Variants in SORCS2 observed in about 807,000 individuals in gnomAD.
The protein encoded by SORCS2 is sortilin related VPS10 domain containing receptor 2, also known as VPS10 domain-containing receptor SorCS2.
In SORCS2, 100 loss-of-function variants were observed where a neutral mutation model predicts 141.6. The observed-to-expected ratio is 0.71, with a 90% confidence interval of 0.60 to 0.83. The LOEUF (loss-of-function observed/expected upper bound fraction) is 0.83, where lower values mean the gene tolerates loss of function less well. Ranked by LOEUF, SORCS2 falls within the 40% of genes least tolerant of loss-of-function variation. SORCS2 has a pLI of 0.00. For missense variants in SORCS2, 1,646 were observed against 1,560.2 expected (o/e 1.05, Z -0.93); for synonymous variants, 789 against 676.9 (o/e 1.17, Z -2.57).
At chr4:7,402,372 G>T (rs1200675454) in intron 2 of SORCS2, among the ~76,000 whole-genome samples, 1 of 152,170 alleles carries the variant, frequency 6.6e-6, no homozygotes, top group Non-Finnish European at 1.5e-5. Context: ...TATCTTGATT[G>T]TCTGTCTGTA....
At chr4:7,658,937 G>T (rs540406211) in intron 5 of SORCS2, among the ~76,000 whole-genome samples, 1 of 152,256 alleles carries the variant, frequency 6.6e-6, no homozygotes, top group Non-Finnish European at 1.5e-5. Context: ...CCAACGCTGA[G>T]TGGCCACTGA....
intron 1 of SORCS2, among the ~76,000 whole-genome samples, chr4:7,214,856 C>A (rs150493176): frequency 0.011 from 1,740 of 152,300 alleles, 42 homozygotes; most frequent in Admixed American, 0.054. Flanking sequence ...GGTTTCCAGG[C>A]TGTAGGTCTG....
At chr4:7,287,974 G>A (rs1382778325) in intron 1 of SORCS2, among the ~76,000 whole-genome samples, 1 of 152,230 alleles carries the variant, frequency 6.6e-6, no homozygotes, top group Non-Finnish European at 1.5e-5. Context: ...GCTTCACCCA[G>A]CCCCTGTGGG....
chr4:7,241,895 G>A (rs572766723), intron 1 of SORCS2, among the ~76,000 whole-genome samples: 3 of 152,326 alleles, frequency 2.0e-5, no homozygotes, highest in East Asian at 1.9e-4. Context: ...TTTAGCTGAC[G>A]GTGTTGAGCG....
chr4:7,250,732 C>T (rs1713448133), intron 1 of SORCS2, among the ~76,000 whole-genome samples: 1 of 152,258 alleles, frequency 6.6e-6, no homozygotes, highest in Admixed American at 6.5e-5. Flanking sequence ...AACAGCTGGG[C>T]AGGCAGCGCT....
rs200150123 is a variant in SORCS2 at position 7,638,358 on chromosome 4, C to G, written c.679C>G (p.Arg227Gly). ...VILVSSSLSD[R>G]DQSLFLSADE... ...CCTTGTCAGCTCCTCACTCAGTGAC[C>G]GGGACCAGAGCCTATTCCTCAGCGC... Residue 227 changes from arginine (R) to glycine (G), a missense_variant, in exon 4 of 27, where the codon CGG (arginine) becomes GGG (glycine). Coordinates refer to ENST00000507866, the MANE Select transcript of SORCS2 (RefSeq NM_020777.3). The G allele has an allele frequency of 6.6e-7, 1 of 1,526,232 alleles. No homozygotes were observed. 94.5% of individuals were successfully genotyped at this position (1,526,232 alleles called of 1,614,324 possible).
At chr4:7,448,539 C>G (rs1310518639) in intron 2 of SORCS2, among the ~76,000 whole-genome samples, 1 of 144,562 alleles carries the variant, frequency 6.9e-6, no homozygotes, top group African/African-American at 2.6e-5. Context: ...TTCCTTCCTT[C>G]CTTCCTCCCT....
rs1159351135 is a variant in SORCS2 at position 7,662,230 on chromosome 4, C to A, written c.952+666C>A. Among the ~76,000 whole-genome samples the A allele has an allele frequency of 5.8e-4, 85 of 147,760 alleles. No individual in the cohort carries two copies. In the Middle Eastern group the frequency reaches 0.01, roughly 18 times the overall value. On this transcript the variant is annotated intron_variant, in intron 6 of 26. Transcript: ENST00000507866. ...TAGGTGTGGCTCCCCACCCTCCCCC[C>A]CCTCCCCCACCCCCACCCTGCCACA...
chr4:7,401,053 G>A (rs1291164421), intron 2 of SORCS2, among the ~76,000 whole-genome samples: 1 of 151,978 alleles, frequency 6.6e-6, no homozygotes, highest in Non-Finnish European at 1.5e-5. Context: ...ACAGATGGAT[G>A]AATGGATTGA....
At chr4:7,640,241 A>G (rs536787908) in intron 4 of SORCS2, among the ~76,000 whole-genome samples, 12 of 132,008 alleles carry the variant, frequency 9.1e-5, no homozygotes, top group African/African-American at 3.5e-4. Flanking sequence ...TGTGTGTGAG[A>G]ACCTATGTGA....
rs534198087 is a variant in SORCS2, at chr4:7,650,591, C to T, written c.814-3543C>T. On this transcript the variant is annotated intron_variant, in intron 4 of 26. Coordinates refer to ENST00000507866, the MANE Select transcript of SORCS2 (RefSeq NM_020777.3). ...CTCACAGACGCTCCCCTTTGAAACA[C>T]TACAGCTGGGGCATCATTTTATAGA... Among the ~76,000 whole-genome samples the T allele has an allele frequency of 6.6e-5, 10 of 152,336 alleles. No homozygotes were observed. The East Asian group carries it at 1.5e-3, about 24-fold the overall frequency.
intron 1 of SORCS2, among the ~76,000 whole-genome samples, chr4:7,333,305 C>T (rs976354479): frequency 3.9e-5 from 6 of 152,334 alleles, no homozygotes; most frequent in Admixed American, 3.9e-4. Flanking sequence ...GCTGAGTCCC[C>T]CTCTCACTTT....
intron 11 of SORCS2, among the ~76,000 whole-genome samples, chr4:7,690,011 A>G (rs911631198): frequency 1.5e-4 from 20 of 137,542 alleles, no homozygotes; most frequent in African/African-American, 4.7e-4. Context: ...GGATGAGTGG[A>G]TGGATGAGTG....
chr4:7,307,632 CCAT>C (rs1448504994), intron 1 of SORCS2, among the ~76,000 whole-genome samples: 1 of 152,212 alleles, frequency 6.6e-6, no homozygotes, highest in Non-Finnish European at 1.5e-5. Flanking sequence ...CTGGCATTTG[CCAT>C]CAGAGGGAAG....
intron 3 of SORCS2, among the ~76,000 whole-genome samples, chr4:7,595,461 A>G (rs1253915111): frequency 3.4e-4 from 51 of 152,232 alleles, no homozygotes; most frequent in Non-Finnish European, 4.4e-5. Context: ...GAAAGCCCCA[A>G]AACTCTAACC....
At chr4:7,392,310 T>G (rs1723916799) in intron 1 of SORCS2, among the ~76,000 whole-genome samples, 1 of 150,812 alleles carries the variant, frequency 6.6e-6, no homozygotes. Context: ...CACCCTTAGG[T>G]GTCAGGAGGA....
At chr4:7,659,826 C>T (rs759311421) in intron 5 of SORCS2, among the ~76,000 whole-genome samples, 1 of 152,166 alleles carries the variant, frequency 6.6e-6, no homozygotes, top group African/African-American at 2.4e-5. Context: ...GTACTTCTCC[C>T]CCCCACCACT....
chr4:7,288,264 C>A (rs994042845), intron 1 of SORCS2, among the ~76,000 whole-genome samples: 1 of 152,070 alleles, frequency 6.6e-6, no homozygotes, highest in Non-Finnish European at 1.5e-5. Flanking sequence ...CACCACACTG[C>A]GATCTGAAAT....
At chr4:7,432,417 C>T (rs1389810996) in intron 2 of SORCS2, 2 of 152,100 alleles carry the variant, frequency 1.3e-5, no homozygotes, top group African/African-American at 4.8e-5. Context: ...TCTCAACATT[C>T]TTGTGAGGCA....
Sources: allele counts gnomAD v4.1 joint callset (sites outside exome capture counted in the v4.1 genomes callset), GRCh38; gene constraint gnomAD v4.1.1; transcripts MANE v1.5; gene names NCBI Gene and HGNC (gene_info 2026-07-23, HGNC 2026-07-21).